C2orf76: variants seen among roughly 807,000 people sequenced by gnomAD.
C2orf76 encodes chromosome 2 open reading frame 76, also known as UPF0538 protein C2orf76.
In C2orf76, 23 loss-of-function variants were observed where a neutral mutation model predicts 16.9. The observed-to-expected ratio is 1.36, with a 90% CI of 0.98 to 1.93. The LOEUF (loss-of-function observed/expected upper bound fraction) is 1.93. Among genes scored for constraint, C2orf76 ranks in the 30% most tolerant of loss-of-function variants. C2orf76 has a pLI of 0.00. For missense variants in C2orf76, 152 were observed against 152.6 expected (o/e 1.00, Z 0.02); for synonymous variants, 48 against 52.3 (o/e 0.92, Z 0.35).
intron 3 of C2orf76, among the ~76,000 whole-genome samples, chr2:119,320,689 A>C (rs1393172591): frequency 6.6e-6 from 1 of 152,204 alleles, no homozygotes; most frequent in African/African-American, 2.4e-5. Context: ...TGAAGTCTCA[A>C]ATTCAAAGTT....
At chr2:119,355,496 TC>T (rs1328403033) in intron 1 of C2orf76, among the ~76,000 whole-genome samples, 3 of 152,182 alleles carry the variant, frequency 2.0e-5, no homozygotes, top group Admixed American at 6.5e-5. Context: ...AACCTGGGGT[TC>T]TACAGCTGTG....
chr2:119,340,256 G>C (rs1573663164), intron 1 of C2orf76: 1 of 294,434 alleles, frequency 3.4e-6, no homozygotes. Flanking sequence ...GTAACACAGG[G>C]GCATGTGTAC....
At chr2:119,323,515 C>T (rs894822728) in intron 2 of C2orf76, among the ~76,000 whole-genome samples, 2 of 152,142 alleles carry the variant, frequency 1.3e-5, no homozygotes, top group Non-Finnish European at 2.9e-5. Flanking sequence ...CGTTTCCAGC[C>T]AGTGCTATGG....
intron 1 of C2orf76, among the ~76,000 whole-genome samples, chr2:119,353,556 CTTTT>C (rs755724739): frequency 8.0e-6 from 1 of 124,584 alleles, no homozygotes; most frequent in Admixed American, 8.4e-5. Context: ...CAAGAATTTT[CTTTT>C]TTTTTTTTTT....
intron 2 of C2orf76, among the ~76,000 whole-genome samples, chr2:119,328,565 T>C (rs1355513744): frequency 1.3e-5 from 2 of 152,182 alleles, no homozygotes; most frequent in African/African-American, 2.4e-5. Flanking sequence ...CAACTTTGAC[T>C]GTTATGGATT....
chr2:119,350,868 T>G (rs1031912334), intron 1 of C2orf76, among the ~76,000 whole-genome samples: 9 of 152,280 alleles, frequency 5.9e-5, no homozygotes, highest in African/African-American at 2.2e-4. Context: ...GGCAGGCTTC[T>G]GGATGAAAAA....
intron 3 of C2orf76, 30 bp from the exon 4 acceptor site, chr2:119,317,533 CA>C (rs1679210538): frequency 6.4e-7 from 1 of 1,570,182 alleles, no homozygotes; most frequent in African/African-American, 1.4e-5. Context: ...TATCTTTTTA[CA>C]CAGTTTATTC....
intron 5 of C2orf76, among the ~76,000 whole-genome samples, chr2:119,307,651 G>GGAGTTC (rs955864530): frequency 7.2e-5 from 11 of 152,124 alleles, no homozygotes; most frequent in Admixed American, 6.5e-4. Flanking sequence ...CTGGCTTGCC[G>GGAGTTC]GAGTTCGGAG....
At chr2:119,314,397 T>C (rs538744024) in intron 4 of C2orf76, among the ~76,000 whole-genome samples, 113 of 152,292 alleles carry the variant, frequency 7.4e-4, no homozygotes, top group Middle Eastern at 6.8e-3. Context: ...TAAAGAAAAA[T>C]ACATGGATTC....
At chr2:119,328,165 T>C (rs1679569487) in intron 2 of C2orf76, among the ~76,000 whole-genome samples, 1 of 152,174 alleles carries the variant, frequency 6.6e-6, no homozygotes, top group African/African-American at 2.4e-5. Context: ...CTGGCTCCCA[T>C]CCTTCTTCTG....
At chr2:119,327,845 T>C (rs181395192) in intron 2 of C2orf76, among the ~76,000 whole-genome samples, 148 of 152,280 alleles carry the variant, frequency 9.7e-4, no homozygotes, top group Non-Finnish European at 1.8e-3. Flanking sequence ...AACAGAGTCA[T>C]AATGTATTAT....
intron 1 of C2orf76, among the ~76,000 whole-genome samples, chr2:119,352,766 C>T (rs771317914): frequency 6.6e-6 from 1 of 152,126 alleles, no homozygotes; most frequent in Non-Finnish European, 1.5e-5. Flanking sequence ...TTCCTTTTAA[C>T]ACCAGATTCT....
At chr2:119,282,245 T>C in the C2orf76 span, among the ~76,000 whole-genome samples, 1 of 152,162 alleles carries the variant, frequency 6.6e-6, no homozygotes, top group African/African-American at 2.4e-5. Flanking sequence ...TGTGGATCTA[T>C]TTATCACAAA....
At chr2:119,334,668 C>T (rs1260107411) in intron 2 of C2orf76, among the ~76,000 whole-genome samples, 1 of 145,512 alleles carries the variant, frequency 6.9e-6, no homozygotes, top group African/African-American at 2.6e-5. Context: ...CTAGCCTGGG[C>T]AACTGGAATG....
intron 2 of C2orf76, among the ~76,000 whole-genome samples, chr2:119,331,746 T>C (rs1679683434): frequency 6.6e-6 from 1 of 152,190 alleles, no homozygotes; most frequent in South Asian, 2.1e-4. Context: ...TTATATATTA[T>C]ACATAGTTTT....
chr2:119,334,609 G>A (rs1202310578), intron 2 of C2orf76, among the ~76,000 whole-genome samples: 1 of 151,560 alleles, frequency 6.6e-6, no homozygotes, highest in Non-Finnish European at 1.5e-5. Context: ...AGAATCACCA[G>A]GGTCCGGGAG....
upstream of C2orf76, chr2:119,367,067 C>G: frequency 6.2e-7 from 1 of 1,614,014 alleles, no homozygotes; most frequent in Non-Finnish European, 8.5e-7. Context: ...TCAGGTACAG[C>G]GCGTGCACAG....
chr2:119,346,967 T>C (rs1416774819), intron 1 of C2orf76, among the ~76,000 whole-genome samples: 1 of 152,232 alleles, frequency 6.6e-6, no homozygotes, highest in African/African-American at 2.4e-5. Context: ...TACATCTACA[T>C]GTGAATCTAC....
chr2:119,336,251 G>T (rs1183156918), intron 2 of C2orf76, among the ~76,000 whole-genome samples: 2 of 152,068 alleles, frequency 1.3e-5, no homozygotes, highest in Admixed American at 6.6e-5. Flanking sequence ...AAATTAGCCA[G>T]GCATAGTGGC....
Sources: allele counts gnomAD v4.1 joint callset (sites outside exome capture counted in the v4.1 genomes callset), GRCh38; gene constraint gnomAD v4.1.1; transcripts MANE v1.5; gene names NCBI Gene and HGNC (gene_info 2026-07-23, HGNC 2026-07-21).